SLC2A9: variants seen among roughly 807,000 people sequenced by gnomAD.
SLC2A9 encodes the protein solute carrier family 2, facilitated glucose transporter member 9.
In SLC2A9, 39 loss-of-function variants were observed where a neutral mutation model predicts 50.6. The observed-to-expected ratio is 0.77, with a 90% CI of 0.60 to 1.01. SLC2A9 has a LOEUF of 1.01. Ranked by LOEUF, SLC2A9 falls within the 50% of genes least tolerant of loss-of-function variation. The probability of loss-of-function intolerance (pLI) is 0.00; values close to 1 mark genes in which losing one functional copy is unlikely to be tolerated. For synonymous variants in SLC2A9, 324 were observed against 276.9 expected (o/e 1.17, Z -1.69); for missense variants, 686 against 677.6 (o/e 1.01, Z -0.14).
intron 6 of SLC2A9, among the ~76,000 whole-genome samples, chr4:9,928,728 C>T (rs1249379964): frequency 1.3e-5 from 2 of 152,136 alleles, no homozygotes; most frequent in African/African-American, 4.8e-5. Context: ...AGCAAGACTC[C>T]TTCTCAAAAG....
At chr4:9,900,999 G>A (rs151126186) in intron 8 of SLC2A9, among the ~76,000 whole-genome samples, 181 of 152,304 alleles carry the variant, frequency 1.2e-3, no homozygotes, top group African/African-American at 3.8e-3. Context: ...CCATATCAAC[G>A]AGAGTCCACA....
At chr4:9,938,716 CT>C (rs1362606130) in intron 6 of SLC2A9, among the ~76,000 whole-genome samples, 1 of 152,210 alleles carries the variant, frequency 6.6e-6, no homozygotes, top group African/African-American at 2.4e-5. Context: ...CTGTGATGAA[CT>C]ATCTGTGGTA....
chr4:9,936,150 C>A lies in SLC2A9; in HGVS notation c.814+5763G>T, dbSNP rs774830957. 1.1e-3 allele frequency among the ~76,000 whole-genome samples: 174 copies of A among 152,290 alleles called. 1 individual carries two copies. Among genetic ancestry groups the A allele is most frequent in the Middle Eastern group, 3.4e-3 (1 of 294 alleles). On this transcript the variant is annotated intron_variant, in intron 6 of 11. Coordinates refer to ENST00000264784, the MANE Select transcript of SLC2A9 (RefSeq NM_020041.3). ...AAGTAAAAAGTTGAAAATGAATCCC[C>A]AAACTGATGGTATCAGGAGGTGGGG...
At chr4:9,898,940 A>G (rs1739086525) in intron 8 of SLC2A9, among the ~76,000 whole-genome samples, 2 of 140,762 alleles carry the variant, frequency 1.4e-5, no homozygotes, top group Non-Finnish European at 3.2e-5. Context: ...CATGACAACT[A>G]CTATGGCCAT....
Position 9,975,245 on chromosome 4 carries a change from G to T in SLC2A9, c.681+5347C>A, listed in dbSNP as rs978226036. On this transcript the variant is annotated intron_variant, in intron 5 of 11. Coordinates refer to ENST00000264784, the MANE Select transcript of SLC2A9 (RefSeq NM_020041.3). The stretch of plus-strand genomic sequence containing the variant: ...TAACAAAAACAAAAATTGACAAGTG[G>T]AATCTAATTAAACTGAAGAGCTTCT... Among the ~76,000 whole-genome samples the T allele has an allele frequency of 4.6e-5, 7 of 152,230 alleles. No individual in the cohort carries two copies. The South Asian group carries it at 1.2e-3, about 27-fold the overall frequency.
chr4:9,900,250 G>A (rs4697910), intron 8 of SLC2A9, among the ~76,000 whole-genome samples: 37,581 of 151,972 alleles, frequency 0.25, 4,871 homozygotes, highest in Non-Finnish European at 0.28. Flanking sequence ...AGCCACATCC[G>A]CACTTTCCTT....
At chr4:10,020,501 T>C (rs13114106) in intron 1 of SLC2A9, among the ~76,000 whole-genome samples, 15,735 of 152,200 alleles carry the variant, frequency 0.1, 1,421 homozygotes, top group East Asian at 0.46. Context: ...GGATGGGTGC[T>C]GCCAATTGAA....
At chr4:9,941,441 C>G (rs1200556183) in intron 6 of SLC2A9, among the ~76,000 whole-genome samples, 1 of 152,206 alleles carries the variant, frequency 6.6e-6, no homozygotes, top group Non-Finnish European at 1.5e-5. Context: ...GCACTCAGAC[C>G]AGTGCCTGGT....
At chr4:9,886,559 G>A (rs1463760269) in intron 10 of SLC2A9, among the ~76,000 whole-genome samples, 3 of 151,330 alleles carry the variant, frequency 2.0e-5, no homozygotes, top group East Asian at 1.9e-4. Flanking sequence ...ATAATATCCC[G>A]ATGTCCTGAA....
At chr4:9,831,906 C>A (rs115723837) in intron 11 of SLC2A9, among the ~76,000 whole-genome samples, 117 of 152,332 alleles carry the variant, frequency 7.7e-4, no homozygotes, top group African/African-American at 2.5e-3. Flanking sequence ...TCAGCATGAG[C>A]TGGAACCTGA....
At chr4:10,021,203 G>C in intron 1 of SLC2A9, 77 bp downstream of exon 1, 1 of 1,480,150 alleles carries the variant, frequency 6.8e-7, no homozygotes, top group Non-Finnish European at 9.4e-7. Context: ...CTGGGGCTGA[G>C]CACTGTCACA....
At chr4:9,994,564 C>CTTTTTTTTTTTTTT (rs35574155) in intron 3 of SLC2A9, among the ~76,000 whole-genome samples, 5 of 131,826 alleles carry the variant, frequency 3.8e-5, no homozygotes, top group Non-Finnish European at 3.2e-5. Context: ...TTTCCTTTTC[C>CTTTTTTTTTTTTTT]TTTTTTTTTT....
At chr4:9,878,980 A>C (rs1734746729) in intron 10 of SLC2A9, 1 of 953,082 alleles carries the variant, frequency 1.0e-6, no homozygotes, top group Non-Finnish European at 1.2e-6. Flanking sequence ...AACACCACAC[A>C]CCACACAGTA....
intron 6 of SLC2A9, among the ~76,000 whole-genome samples, chr4:9,931,944 C>CAA (rs374198516): frequency 1.8e-3 from 95 of 52,636 alleles, no homozygotes; most frequent in Non-Finnish European, 2.2e-3. Context: ...CTCTCTCTCT[C>CAA]TCTCTCTCTC....
chr4:9,826,078 T>C (rs1725081481), downstream of SLC2A9: 1 of 325,278 alleles, frequency 3.1e-6, no homozygotes, highest in South Asian at 3.6e-5. Context: ...AATTTCATTT[T>C]GAAATCATGG....
chr4:9,786,953 C>T (rs906263988), intron 3 of SLC2A9, among the ~76,000 whole-genome samples: 13 of 152,190 alleles, frequency 8.5e-5, no homozygotes, highest in African/African-American at 2.4e-4. Flanking sequence ...TGTTGCAGCA[C>T]TCGAGAGGAC....
At chr4:9,787,626 C>T (rs1286234139) in intron 3 of SLC2A9, among the ~76,000 whole-genome samples, 1 of 152,206 alleles carries the variant, frequency 6.6e-6, no homozygotes, top group Non-Finnish European at 1.5e-5. Context: ...TATAACAAAA[C>T]AATCCAAGAC....
intron 10 of SLC2A9, among the ~76,000 whole-genome samples, chr4:9,871,140 G>T (rs144432263): frequency 7.6e-4 from 115 of 152,164 alleles, no homozygotes; most frequent in African/African-American, 2.6e-3. Context: ...AGCAGAAAGT[G>T]CACCATAACC....
intron 10 of SLC2A9, among the ~76,000 whole-genome samples, chr4:9,876,975 G>T (rs1734405611): frequency 6.6e-6 from 1 of 152,148 alleles, no homozygotes; most frequent in Non-Finnish European, 1.5e-5. Context: ...TGCCAAGTTG[G>T]TGTCATTATG....
Sources: gnomAD v4.1 joint callset for allele counts (sites outside exome capture counted in the v4.1 genomes callset) on GRCh38, gnomAD v4.1.1 for gene constraint, MANE v1.5 for transcripts, NCBI Gene and HGNC (gene_info 2026-07-23, HGNC 2026-07-21) for gene names.